Variants in GIT2 observed in about 807,000 individuals in gnomAD.
The protein encoded by GIT2 is GIT ArfGAP 2.
GIT2 carries 32 observed loss-of-function variants against 100.3 expected under a neutral mutation model. The ratio of observed to expected loss-of-function variants is 0.32; its 90% CI spans 0.24 to 0.43. The LOEUF (loss-of-function observed/expected upper bound fraction) is 0.43. GIT2 is among the 20% of genes least tolerant of loss of function. The pLI, the probability that GIT2 is intolerant of heterozygous loss-of-function variation, is 1.00. For synonymous variants in GIT2, 353 were observed against 364.1 expected (o/e 0.97, Z 0.35); for missense variants, 737 against 975.1 (o/e 0.76, Z 3.25).
rs150762486 is a variant in GIT2, at chr12:109,948,664, C to T, written c.1393-1160G>A. 1.6e-5 allele frequency: 23 copies of T among 1,431,342 alleles called. No homozygotes were observed. In the African/African-American group the frequency reaches 2.6e-4, roughly 16 times the overall value. The allele number at this position is 1,431,342 out of a possible 1,614,324, so 88.7% of individuals were successfully genotyped here. A position where few individuals can be genotyped will look rare whatever the true frequency, so the allele number is the denominator to read the frequency against. On this transcript the variant is annotated intron_variant, in intron 14 of 19. Transcript: ENST00000355312. The surrounding 1 kb of genome is among the most constrained non-coding windows in gnomAD (Gnocchi z 4.3). ...GAGATTGTAAAATCTGACCAAATTC[C>T]CCACCAGTGCCAAGGTTTAAGTCCA...
intron 9 of GIT2, among the ~76,000 whole-genome samples, chr12:109,963,363 T>C (rs1355934309): frequency 6.6e-6 from 1 of 152,234 alleles, no homozygotes; most frequent in East Asian, 1.9e-4. Context: ...TCTTCCTCCA[T>C]GGGACTACAA....
intron 4 of GIT2, chr12:109,983,901 G>A: frequency 1.9e-6 from 1 of 521,662 alleles, no homozygotes. Context: ...TACTGATAAG[G>A]AAACTAGGGC....
chr12:109,951,212 C>G lies in GIT2; in HGVS notation c.1347G>C (p.Lys449Asn). Reference sequence around the variant, plus strand: ...GCTCGTCACTCAAGTTGTTATTCACCTTCATTAGCTGCTGTATCTTGGCCT... The same window carrying G: ...GCTCGTCACTCAAGTTGTTATTCACGTTCATTAGCTGCTGTATCTTGGCCT... ...ASEAKIQQLM[K>N]VNNNLSDELR... The change falls in exon 14 of 20, where the codon AAG becomes AAC. Residue 449 changes from lysine to asparagine, a missense_variant. Coordinates refer to ENST00000355312, the MANE Select transcript of GIT2 (RefSeq NM_057169.5). The G allele has an allele frequency of 6.2e-7, 1 of 1,613,658 alleles. No individual in the cohort carries two copies. Among genetic ancestry groups the G allele is most frequent in the Non-Finnish European group, 8.5e-7 (1 of 1,179,582 alleles).
At chr12:109,953,314 G>C in intron 12 of GIT2, 80 bp from the exon 13 acceptor site, 1 of 1,483,266 alleles carries the variant, frequency 6.7e-7, no homozygotes, top group Non-Finnish European at 9.3e-7. Context: ...GGATTTTTTG[G>C]TTTAGCCATT....
intron 12 of GIT2, among the ~76,000 whole-genome samples, chr12:109,955,792 T>C (rs1204182068): frequency 6.6e-6 from 1 of 151,814 alleles, no homozygotes; most frequent in East Asian, 1.9e-4. Context: ...TAGCTCACTA[T>C]AGCTTCTAAC....
Position 109,953,141 on chromosome 12 carries a change from T to G in GIT2, c.1193A>C (p.Asp398Ala). The G allele has an allele frequency of 6.2e-7, 1 of 1,614,170 alleles. No homozygotes were observed. The highest frequency in any genetic ancestry group is 1.1e-5 in the South Asian group (1 of 91,084). ...AGTGGTTTCCAAATCTGTGTCTTCG[T>G]CTGATGCCACGCTGTCATAGTCGGG... ...DQPDYDSVAS[D>A]EDTDLETTAS... is the part of the protein sequence containing the mutation. The change falls in exon 13 of 20, where the codon GAC becomes GCC. Residue 398 changes from aspartate (D) to alanine (A), a missense_variant. Coordinates refer to ENST00000355312, the MANE Select transcript of GIT2 (RefSeq NM_057169.5).
In GIT2 at chr12:109,962,500, C is replaced by T. The variant is rs140621766; in HGVS notation, c.817-815G>A. Among the ~76,000 whole-genome samples the T allele has an allele frequency of 6.6e-4, 100 of 152,350 alleles. No homozygotes were observed. Among genetic ancestry groups the T allele is most frequent in the African/African-American group, 2.0e-3 (83 of 41,590 alleles). The stretch of plus-strand genomic sequence containing the variant: ...TGCTTCAGTCTCCAGAAGGAAGCTT[C>T]CTACCAAAGCACAGCCTGACTCTTC... On this transcript the variant is annotated intron_variant, in intron 9 of 19. Coordinates refer to ENST00000355312, the MANE Select transcript of GIT2 (RefSeq NM_057169.5). The surrounding 1 kb of genome is among the most constrained non-coding windows in gnomAD (Gnocchi z 4.3).
At position 109,932,550 on chromosome 12, in the gene GIT2, G is replaced by C. The variant is rs904205814; in HGVS notation, c.*428C>G. On this transcript the variant is annotated 3_prime_UTR_variant, in exon 20 of 20. Transcript: ENST00000355312. ...AGGCCAGGAAATTCACTTATTGCAC[G>C]ATGCTTGGCAGGGAACAAATGACGC... is the stretch of plus-strand genomic sequence containing the variant. 1 of 163,858 alleles carries C rather than the reference G, an allele frequency of 6.1e-6. No homozygotes were observed. 10.2% of individuals were successfully genotyped at this position (163,858 alleles called of 1,614,324 possible). A position where few individuals can be genotyped will look rare whatever the true frequency, so the allele number is the denominator to read the frequency against.
At chr12:109,941,098 C>T (rs1023265808) in intron 16 of GIT2, among the ~76,000 whole-genome samples, 4 of 152,068 alleles carry the variant, frequency 2.6e-5, no homozygotes, top group East Asian at 1.9e-4. Flanking sequence ...TCTCCTCTGT[C>T]GGCTGAGGTC....
chr12:109,958,810 A>G (rs1880276299), intron 12 of GIT2, among the ~76,000 whole-genome samples: 1 of 152,174 alleles, frequency 6.6e-6, no homozygotes, highest in African/African-American at 2.4e-5. Context: ...ATTAGAAAAA[A>G]CCAATATGGA....
At position 109,991,620 on chromosome 12, in the gene GIT2, C is replaced by T. The variant is rs201003427; in HGVS notation, c.186+7G>A. On this transcript the variant is annotated splice_region_variant and intron_variant, in intron 2 of 19. Transcript: ENST00000355312. ...TACCAACTGTCAGGAGAATTCTTAT[C>T]CTTTACCTGAAGCAGTGTTGGAGGC... 7.2e-4 allele frequency: 1,163 copies of T among 1,609,628 alleles called. No homozygotes were observed. The Middle Eastern group carries it at 9.6e-3, about 13-fold the overall frequency.
intron 2 of GIT2, among the ~76,000 whole-genome samples, chr12:109,990,620 T>C (rs540824732): frequency 6.6e-6 from 1 of 152,310 alleles, no homozygotes; most frequent in East Asian, 1.9e-4. Flanking sequence ...AAGGGATATG[T>C]GCAGCTGTCA....
chr12:109,969,757 GTTTTC>G (rs957771102), intron 7 of GIT2, among the ~76,000 whole-genome samples: 2 of 149,338 alleles, frequency 1.3e-5, no homozygotes, highest in Admixed American at 1.3e-4. Context: ...TTTCTCTTAT[GTTTTC>G]TTTTTTTTTT....
chr12:109,977,497 T>G lies in GIT2; in HGVS notation c.718+3455A>C, dbSNP rs560688676. ...CTGCACTCCAGCCTAGGCGATGGAGTGAGACCCTGTCTCAAAATAATAATA... is the reference window on the plus strand; with the variant it reads ...CTGCACTCCAGCCTAGGCGATGGAGGGAGACCCTGTCTCAAAATAATAATA... On this transcript the variant is annotated intron_variant, in intron 7 of 19. Transcript: ENST00000355312. 2.7e-5 allele frequency among the ~76,000 whole-genome samples: 4 copies of G among 145,882 alleles called. No individual in the cohort carries two copies. The East Asian group carries it at 8.2e-4, about 30-fold the overall frequency.
At chr12:109,971,858 G>C (rs1171559860) in intron 7 of GIT2, among the ~76,000 whole-genome samples, 3 of 151,874 alleles carry the variant, frequency 2.0e-5, no homozygotes, top group African/African-American at 4.8e-5. Context: ...GCCAGGCATG[G>C]TGGGGGGCAC....
chr12:109,994,470 T>C (rs1269257375), intron 1 of GIT2, among the ~76,000 whole-genome samples: 1 of 152,206 alleles, frequency 6.6e-6, no homozygotes, highest in Non-Finnish European at 1.5e-5. Flanking sequence ...CAGGTAATTC[T>C]CTCAGTAGGG....
At chr12:109,983,169 T>G in intron 6 of GIT2, 1 of 516,558 alleles carries the variant, frequency 1.9e-6, no homozygotes, top group Admixed American at 3.6e-5. Context: ...GACTGGAAGC[T>G]TAGCACACTG....
rs1889414086 is a variant in GIT2 at position 109,996,296 on chromosome 12, C to T, written c.-72G>A. The T allele has an allele frequency of 9.2e-7, 1 of 1,088,476 alleles. No individual in the cohort carries two copies. The highest frequency in any genetic ancestry group is 2.3e-5 in the Admixed American group (1 of 43,156). The allele number at this position is 1,088,476 out of a possible 1,614,324, so 67.4% of individuals were successfully genotyped here. A position where few individuals can be genotyped will look rare whatever the true frequency, so the allele number is the denominator to read the frequency against. On this transcript the variant is annotated 5_prime_UTR_variant, in exon 1 of 20. Transcript: ENST00000355312. Reference sequence around the variant, plus strand: ...AAGGCGGCGGTGGCGGCGGCGCTTCCGCTCTAACGGGTCCCAGCTGCGGCG... The same window carrying T: ...AAGGCGGCGGTGGCGGCGGCGCTTCTGCTCTAACGGGTCCCAGCTGCGGCG...
At position 109,934,793 on chromosome 12, in the gene GIT2, C is replaced by T. The variant is rs759378581; in HGVS notation, c.2004-708G>A. 2.0e-5 allele frequency among the ~76,000 whole-genome samples: 3 copies of T among 152,054 alleles called. No individual in the cohort carries two copies. The highest frequency in any genetic ancestry group is 6.6e-5 in the Admixed American group (1 of 15,266). On this transcript the variant is annotated intron_variant, in intron 18 of 19. Transcript: ENST00000355312. The surrounding 1 kb of genome is among the most constrained non-coding windows in gnomAD (Gnocchi z 4.5). ...TCAAAACTATTATAATTAAAACTGT[C>T]GGCCGGGCGCAGTGGCTCACGCCTG... is the stretch of plus-strand genomic sequence containing the variant.
Sources: allele counts gnomAD v4.1 joint callset (sites outside exome capture counted in the v4.1 genomes callset), GRCh38; gene constraint gnomAD v4.1.1; non-coding constraint Gnocchi (gnomAD v3.1); transcripts MANE v1.5; gene names NCBI Gene and HGNC (gene_info 2026-07-23, HGNC 2026-07-21).